Variants in OSBPL6 observed in about 807,000 individuals in gnomAD.
OSBPL6 encodes the protein oxysterol binding protein like 6, also known as oxysterol-binding protein-related protein 6.
OSBPL6 carries 49 observed loss-of-function variants against 125.8 expected under a neutral mutation model. The ratio of observed to expected loss-of-function variants is 0.39; its 90% confidence interval spans 0.31 to 0.49. The LOEUF is 0.49. Among genes scored for constraint, OSBPL6 ranks in the 20% least tolerant of loss-of-function variants. OSBPL6 has a pLI of 0.88. For missense variants in OSBPL6, 986 were observed against 1,135.4 expected, an observed-to-expected ratio of 0.87 and a Z score of 1.89; for synonymous variants, 394 against 391.8, an observed-to-expected ratio of 1.01 and a Z score of -0.07.
chr2:178,329,415 TTA>T (rs1479368512), intron 5 of OSBPL6, among the ~76,000 whole-genome samples: 1 of 142,742 alleles, frequency 7.0e-6, no homozygotes, highest in African/African-American at 2.7e-5. Flanking sequence ...ATTTATTTAC[TTA>T]TTTTTTTTTT....
chr2:178,382,144 G>A (rs1196715303), intron 15 of OSBPL6, among the ~76,000 whole-genome samples: 1 of 152,146 alleles, frequency 6.6e-6, no homozygotes, highest in Non-Finnish European at 1.5e-5. Context: ...AACATTCTTA[G>A]TGTATTATAT....
At chr2:178,386,831 T>C (rs1479233274) in intron 19 of OSBPL6, among the ~76,000 whole-genome samples, 1 of 126,268 alleles carries the variant, frequency 7.9e-6, no homozygotes, top group Admixed American at 9.7e-5. Flanking sequence ...GAAACATAGA[T>C]AGTGGGGGTT....
chr2:178,227,062 T>G (rs2090595359), intron 1 of OSBPL6, among the ~76,000 whole-genome samples: 1 of 152,162 alleles, frequency 6.6e-6, no homozygotes, highest in Non-Finnish European at 1.5e-5. Flanking sequence ...GAAAGGATAG[T>G]AGAATATATT....
chr2:178,367,817 A>G (rs1287707614), intron 13 of OSBPL6, among the ~76,000 whole-genome samples: 1 of 152,214 alleles, frequency 6.6e-6, no homozygotes, highest in African/African-American at 2.4e-5. Flanking sequence ...GAATATGCAT[A>G]AAACCTGCTG....
intron 3 of OSBPL6, among the ~76,000 whole-genome samples, chr2:178,313,396 A>C (rs182693789): frequency 6.0e-4 from 92 of 152,316 alleles, no homozygotes; most frequent in Non-Finnish European, 1.1e-3. Flanking sequence ...TTTGGAATGC[A>C]TAATTTTCAG....
rs1405695404 is a variant in OSBPL6 at position 178,394,381 on chromosome 2, C to T, written c.2642C>T (p.Ser881Phe). 6.2e-7 allele frequency: 1 copy of T among 1,613,232 alleles called. No individual in the cohort carries two copies. Among genetic ancestry groups the T allele is most frequent in the Non-Finnish European group, 8.5e-7 (1 of 1,179,754 alleles). ...EKQRVEELQR[S>F]RRRYMEENNL... ...CAAAGAGTAGAGGAACTCCAGAGAT[C>T]TCGGAGACGATATATGGAAGAAAAC... is the stretch of plus-strand genomic sequence containing the variant. Residue 881 changes from serine (S) to phenylalanine (F), a missense_variant, in exon 24 of 25, where the codon TCT becomes TTT. Coordinates refer to ENST00000190611, the MANE Select transcript of OSBPL6 (RefSeq NM_032523.4).
chr2:178,215,511 C>T (rs1351266889), intron 1 of OSBPL6, among the ~76,000 whole-genome samples: 1 of 152,130 alleles, frequency 6.6e-6, no homozygotes, highest in Non-Finnish European at 1.5e-5. Flanking sequence ...ATAAGTAAAA[C>T]CTAATTGCAG....
intron 13 of OSBPL6, 72 bp downstream of exon 13, chr2:178,361,887 G>C (rs1692393652): frequency 3.1e-5 from 49 of 1,576,486 alleles, no homozygotes; most frequent in Non-Finnish European, 4.0e-5. Context: ...TCAAAAGATG[G>C]GGGGCTGGCA....
chr2:178,209,198 C>G (rs2089711132), intron 1 of OSBPL6, among the ~76,000 whole-genome samples: 1 of 151,916 alleles, frequency 6.6e-6, no homozygotes, highest in Non-Finnish European at 1.5e-5. Context: ...TCACTTTTCC[C>G]TGTTCTCTTT....
chr2:178,251,368 T>C (rs1180141720), intron 1 of OSBPL6, among the ~76,000 whole-genome samples: 1 of 152,124 alleles, frequency 6.6e-6, no homozygotes, highest in Non-Finnish European at 1.5e-5. Flanking sequence ...TTCTTTTTTT[T>C]TTTTTTCCTT....
Position 178,394,254 on chromosome 2 carries a change from GT to G in OSBPL6, c.2574-51del, listed in dbSNP as rs376348298. ...TAGAAAACAATTTTGTGCAAATGAGGTTTTTTTTCCCCCAGAAAAGAGGATA... is the reference window on the plus strand; with the variant it reads ...TAGAAAACAATTTTGTGCAAATGAGGTTTTTTTCCCCCAGAAAAGAGGATA... On this transcript the variant is annotated intron_variant, in intron 23 of 24. Coordinates refer to ENST00000190611, the MANE Select transcript of OSBPL6 (RefSeq NM_032523.4). 1.9e-3 allele frequency: 2,972 copies of G among 1,581,356 alleles called. 29 individuals carry two copies. In the African/African-American group the frequency reaches 0.027, roughly 14 times the overall value.
At chr2:178,387,475 A>T (rs773716509) in intron 20 of OSBPL6, among the ~76,000 whole-genome samples, 5 of 152,178 alleles carry the variant, frequency 3.3e-5, no homozygotes, top group Non-Finnish European at 5.9e-5. Context: ...TTTTGAGTTC[A>T]TCTTAGATCC....
intron 1 of OSBPL6, among the ~76,000 whole-genome samples, chr2:178,233,045 G>A (rs1259836467): frequency 6.6e-6 from 1 of 152,142 alleles, no homozygotes; most frequent in Non-Finnish European, 1.5e-5. Flanking sequence ...ACACCCCATG[G>A]TGTACTGCCT....
chr2:178,357,442 T>G (rs1390490727), intron 12 of OSBPL6, among the ~76,000 whole-genome samples: 3 of 152,206 alleles, frequency 2.0e-5, no homozygotes. Context: ...CAGACACTTC[T>G]CAAAAGAAGA....
intron 1 of OSBPL6, among the ~76,000 whole-genome samples, chr2:178,227,599 G>A (rs1408944925): frequency 6.6e-6 from 1 of 152,148 alleles, no homozygotes; most frequent in Non-Finnish European, 1.5e-5. Flanking sequence ...GTCATCCAAT[G>A]GAATACATGC....
intron 13 of OSBPL6, 96 bp from the exon 14 acceptor site, chr2:178,372,030 C>A: frequency 2.2e-6 from 2 of 890,284 alleles, no homozygotes; most frequent in Non-Finnish European, 3.5e-6. Flanking sequence ...CTAAGAACAT[C>A]ACAGACATTA....
intron 2 of OSBPL6, among the ~76,000 whole-genome samples, chr2:178,294,983 G>T (rs1414459721): frequency 6.6e-6 from 1 of 151,382 alleles, no homozygotes; most frequent in Non-Finnish European, 1.5e-5. Context: ...ACTACTTAGG[G>T]TTTTATCCTT....
chr2:178,272,833 A>G (rs548942045), intron 1 of OSBPL6, among the ~76,000 whole-genome samples: 12 of 152,318 alleles, frequency 7.9e-5, no homozygotes, highest in African/African-American at 2.6e-4. Context: ...ATAAGTGCAA[A>G]TGGTGCAGGT....
intron 1 of OSBPL6, among the ~76,000 whole-genome samples, chr2:178,216,791 G>A (rs900670540): frequency 2.6e-5 from 4 of 152,156 alleles, no homozygotes; most frequent in Admixed American, 6.5e-5. Flanking sequence ...CCTGAGTCTC[G>A]TCATGAGGAG....
Sources: gnomAD v4.1 joint callset for allele counts (sites outside exome capture counted in the v4.1 genomes callset) on GRCh38, gnomAD v4.1.1 for gene constraint, MANE v1.5 for transcripts, NCBI Gene and HGNC (gene_info 2026-07-23, HGNC 2026-07-21) for gene names.